The following SUCLG2 variants were observed in gnomAD, a reference collection of about 807,000 sequenced individuals.
SUCLG2 encodes the protein succinate-CoA ligase GDP-forming subunit beta.
SUCLG2 carries 42 observed loss-of-function variants against 47.9 expected under a neutral mutation model. The observed-to-expected ratio is 0.88, with a 90% CI of 0.69 to 1.14. The LOEUF is 1.14. Ranked by LOEUF, SUCLG2 falls within the 50% of genes most tolerant of loss-of-function variation. The pLI is 0.00. For synonymous variants in SUCLG2, 195 were observed against 197.3 expected (o/e 0.99, Z 0.10); for missense variants, 571 against 525.9 (o/e 1.09, Z -0.84).
At chr3:67,437,435 C>T (rs933631762) in intron 9 of SUCLG2, among the ~76,000 whole-genome samples, 2 of 152,122 alleles carry the variant, frequency 1.3e-5, no homozygotes, top group African/African-American at 2.4e-5. Context: ...CTAAATGATA[C>T]GATAGCTTTT....
intron 9 of SUCLG2, among the ~76,000 whole-genome samples, chr3:67,417,698 T>C (rs1703066799): frequency 6.6e-6 from 1 of 152,164 alleles, no homozygotes; most frequent in African/African-American, 2.4e-5. Context: ...CCCACAGATG[T>C]GTACTCTTTC....
chr3:67,505,793 C>A (rs570611388), intron 7 of SUCLG2, among the ~76,000 whole-genome samples: 74 of 152,194 alleles, frequency 4.9e-4, no homozygotes, highest in Non-Finnish European at 9.0e-4. Flanking sequence ...GAAACCCCGT[C>A]TCTACTAAAA....
chr3:67,594,060 G>A (rs1027000041), intron 2 of SUCLG2, among the ~76,000 whole-genome samples: 1 of 152,218 alleles, frequency 6.6e-6, no homozygotes, highest in Non-Finnish European at 1.5e-5. Flanking sequence ...CAAGTCCGAG[G>A]AGGATGAGAG....
At chr3:67,501,047 G>A (rs1334512008) in intron 7 of SUCLG2, among the ~76,000 whole-genome samples, 1 of 152,200 alleles carries the variant, frequency 6.6e-6, no homozygotes, top group Non-Finnish European at 1.5e-5. Context: ...GAACTTTGCA[G>A]TTAACCCAGA....
chr3:67,383,475 T>C (rs539325434), intron 10 of SUCLG2, among the ~76,000 whole-genome samples: 73 of 152,338 alleles, frequency 4.8e-4, no homozygotes, highest in African/African-American at 1.7e-3. Flanking sequence ...TAAGATATTC[T>C]GTGTGGCTGT....
chr3:67,498,104 A>T lies in SUCLG2; in HGVS notation c.919+30T>A, dbSNP rs116409825. ...TTCCTAAATTCTATAAGAATCCACA[A>T]AGCATTCTTTTGATATAACTGCTTC... On this transcript the variant is annotated intron_variant, in intron 8 of 10. Transcript: ENST00000307227. 1.6e-5 allele frequency: 25 copies of T among 1,572,726 alleles called. No individual in the cohort carries two copies. The African/African-American group carries it at 3.4e-4, about 21-fold the overall frequency.
At chr3:67,494,210 T>C (rs888820141) in intron 9 of SUCLG2, among the ~76,000 whole-genome samples, 11 of 152,252 alleles carry the variant, frequency 7.2e-5, no homozygotes, top group Non-Finnish European at 1.5e-4. Context: ...CACATTTCTT[T>C]TTTAAAAAAT....
Position 67,557,433 on chromosome 3 carries a change from T to C in SUCLG2, c.227-28247A>G, listed in dbSNP as rs139866877. Among the ~76,000 whole-genome samples the C allele has an allele frequency of 4.3e-4, 66 of 152,276 alleles. No homozygotes were observed. The East Asian group carries it at 0.012, about 27-fold the overall frequency. On this transcript the variant is annotated intron_variant, in intron 2 of 10. Transcript: ENST00000307227. ...CCACCAAGGTGAATAAAACAGCCAG[T>C]GCCCTCACTGAGCCCAAGGAGACAG...
chr3:67,493,854 A>G (rs1705264189), intron 9 of SUCLG2, among the ~76,000 whole-genome samples: 1 of 152,224 alleles, frequency 6.6e-6, no homozygotes, highest in Non-Finnish European at 1.5e-5. Flanking sequence ...TTAGAGAGCC[A>G]CTGATAGGTG....
intron 10 of SUCLG2, among the ~76,000 whole-genome samples, chr3:67,381,158 CAG>C (rs1419065762): frequency 1.3e-5 from 2 of 151,424 alleles, no homozygotes; most frequent in African/African-American, 4.9e-5. Context: ...GCCTGGGCAA[CAG>C]AGTGAGACCC....
At position 67,562,194 on chromosome 3, in the gene SUCLG2, G is replaced by A. The variant is rs149406476; in HGVS notation, c.227-33008C>T. Among the ~76,000 whole-genome samples, 63 of 152,190 alleles carry A rather than the reference G, an allele frequency of 4.1e-4. No homozygotes were observed. In the East Asian group the frequency reaches 8.1e-3, roughly 20 times the overall value. On this transcript the variant is annotated intron_variant, in intron 2 of 10. Coordinates refer to ENST00000307227, the MANE Select transcript of SUCLG2 (RefSeq NM_003848.4). The stretch of plus-strand genomic sequence containing the variant: ...ACATTCTCACTGTAAACTCTTCCTT[G>A]TGTAATCTTCAGTCATAGTGGCATT...
Position 67,469,723 on chromosome 3 carries a change from C to T in SUCLG2, c.1062+26075G>A, listed in dbSNP as rs145339005. On this transcript the variant is annotated intron_variant, in intron 9 of 10. Coordinates refer to ENST00000307227, the MANE Select transcript of SUCLG2 (RefSeq NM_003848.4). ...CAGCCTGGGTGACAGAATGAGACTC[C>T]GTCTCAAACTAATAATAATAATTTT... Among the ~76,000 whole-genome samples, 52 of 150,118 alleles carry T rather than the reference C, an allele frequency of 3.5e-4. No homozygotes were observed. The East Asian group carries it at 6.0e-3, about 17-fold the overall frequency.
chr3:67,518,342 A>G lies in SUCLG2; in HGVS notation c.571-6T>C. 6.2e-7 allele frequency: 1 copy of G among 1,604,652 alleles called. No homozygotes were observed. Among genetic ancestry groups the G allele is most frequent in the South Asian group, 1.1e-5 (1 of 89,570 alleles). On this transcript the variant is annotated splice_region_variant and splice_polypyrimidine_tract_variant and intron_variant, in intron 5 of 10. Coordinates refer to ENST00000307227, the MANE Select transcript of SUCLG2 (RefSeq NM_003848.4). ...TCAAAAATGTCAATTTGCTCCTAGTAAAAATAAATCAAATAAACAAAATTC... is the reference window on the plus strand; with the variant it reads ...TCAAAAATGTCAATTTGCTCCTAGTGAAAATAAATCAAATAAACAAAATTC...
chr3:67,433,413 A>T (rs1480997651), intron 9 of SUCLG2, among the ~76,000 whole-genome samples: 1 of 152,154 alleles, frequency 6.6e-6, no homozygotes, highest in Non-Finnish European at 1.5e-5. Flanking sequence ...ATTCAGGGAA[A>T]CTTTCGGATG....
chr3:67,543,185 G>A (rs758849320), intron 2 of SUCLG2, among the ~76,000 whole-genome samples: 7 of 152,114 alleles, frequency 4.6e-5, no homozygotes, highest in Non-Finnish European at 8.8e-5. Context: ...ACAACTACAT[G>A]GAAATTCAAC....
intron 1 of SUCLG2, among the ~76,000 whole-genome samples, chr3:67,633,817 G>A (rs1309053658): frequency 9.9e-5 from 15 of 152,102 alleles, no homozygotes; most frequent in Admixed American, 9.8e-4. Context: ...TTCCTTCAAG[G>A]ATGGAATCCT....
chr3:67,615,076 TAAAAG>T (rs1289145832), intron 1 of SUCLG2, among the ~76,000 whole-genome samples: 1 of 151,634 alleles, frequency 6.6e-6, no homozygotes, highest in African/African-American at 2.4e-5. Flanking sequence ...AAATACAACT[TAAAAG>T]AAAAGCAACA....
At chr3:67,495,651 C>A (rs1341105345) in intron 9 of SUCLG2, 147 bp downstream of exon 9, 213 of 652,770 alleles carry the variant, frequency 3.3e-4, no homozygotes, top group African/African-American at 1.0e-3. Context: ...GACTCCGTCT[C>A]AAAAAAAAAA....
intron 7 of SUCLG2, among the ~76,000 whole-genome samples, chr3:67,502,980 T>G (rs1433421965): frequency 6.6e-6 from 1 of 152,176 alleles, no homozygotes; most frequent in East Asian, 1.9e-4. Context: ...TGGTACAGAA[T>G]AGCTCCAAAT....
Sources: gnomAD v4.1 joint callset for allele counts (sites outside exome capture counted in the v4.1 genomes callset) on GRCh38, gnomAD v4.1.1 for gene constraint, MANE v1.5 for transcripts, NCBI Gene and HGNC (gene_info 2026-07-23, HGNC 2026-07-21) for gene names.